WDR26: variants seen among roughly 807,000 people sequenced by gnomAD.
WDR26 encodes the protein WD repeat-containing protein 26.
In WDR26, 5 loss-of-function variants were observed where a neutral mutation model predicts 84.1. The observed-to-expected ratio is 0.06, with a 90% CI of 0.03 to 0.13. WDR26 has a LOEUF of 0.13. WDR26 is among the 10% of genes least tolerant of loss of function. The pLI is 1.00. For synonymous variants in WDR26, 415 were observed against 389.6 expected (o/e 1.07, Z -0.77); for missense variants, 642 against 974.9 (o/e 0.66, Z 4.55).
intron 6 of WDR26, 50 bp downstream of exon 6, chr1:224,418,210 A>G (rs1290664694): frequency 6.6e-7 from 1 of 1,519,720 alleles, no homozygotes; most frequent in Non-Finnish European, 8.9e-7. Context: ...GAAAACTAAA[A>G]TTTTGTAAAA....
At chr1:224,410,174 G>A (rs1294327643) in intron 7 of WDR26, among the ~76,000 whole-genome samples, 2 of 151,254 alleles carry the variant, frequency 1.3e-5, no homozygotes, top group Non-Finnish European at 2.9e-5. Context: ...CCAGCTACTC[G>A]GGAGGCTGAG....
At chr1:224,408,633 C>CTTTTTTTTTTTTT (rs67639407) in intron 7 of WDR26, among the ~76,000 whole-genome samples, 4 of 115,856 alleles carry the variant, frequency 3.5e-5, no homozygotes, top group Non-Finnish European at 3.6e-5. Context: ...TCATCCCATT[C>CTTTTTTTTTTTTT]TTTTTTTTTT....
chr1:224,410,491 T>C (rs1324164845), intron 7 of WDR26, among the ~76,000 whole-genome samples: 3 of 151,960 alleles, frequency 2.0e-5, no homozygotes, highest in African/African-American at 4.8e-5. Context: ...CGAACACTTA[T>C]CTGATTTTAG....
At chr1:224,419,314 C>T (rs1305288977) in intron 5 of WDR26, 1 of 509,696 alleles carries the variant, frequency 2.0e-6, no homozygotes, top group African/African-American at 1.9e-5. Flanking sequence ...GAAAGAAGGG[C>T]TGCTCTGGAA....
In WDR26 at chr1:224,421,017, G is replaced by A. The variant is rs193288819; in HGVS notation, c.1065-1402C>T. ...AATTTTACAAAAGTGACTTAGAATT[G>A]CTTCTATGTCCTTGTGAAAATACAT... On this transcript the variant is annotated intron_variant, in intron 4 of 13. Transcript: ENST00000414423. Among the ~76,000 whole-genome samples the A allele has an allele frequency of 1.1e-4, 17 of 152,210 alleles. No individual in the cohort carries two copies. In the East Asian group the frequency reaches 2.3e-3, roughly 21 times the overall value.
intron 8 of WDR26, 116 bp downstream of exon 8, chr1:224,404,314 C>T (rs1673495915): frequency 5.7e-6 from 7 of 1,229,700 alleles, no homozygotes; most frequent in South Asian, 2.1e-5. Flanking sequence ...CTAAGAGATA[C>T]AGTATAGTAA....
At chr1:224,411,174 G>T (rs1673726260) in intron 7 of WDR26, among the ~76,000 whole-genome samples, 1 of 152,128 alleles carries the variant, frequency 6.6e-6, no homozygotes, top group African/African-American at 2.4e-5. Flanking sequence ...GCACCTCACA[G>T]AGTTTTTCAG....
intron 11 of WDR26, 119 bp downstream of exon 11, chr1:224,398,396 A>G (rs1205207730): frequency 3.3e-6 from 4 of 1,204,880 alleles, no homozygotes; most frequent in Non-Finnish European, 4.6e-6. Flanking sequence ...GATCAATCAC[A>G]TGCAATCAAA....
intron 8 of WDR26, among the ~76,000 whole-genome samples, chr1:224,401,699 A>AG (rs1673424518): frequency 2.2e-5 from 2 of 91,886 alleles, no homozygotes; most frequent in Non-Finnish European, 4.4e-5. Flanking sequence ...AGAAAAAAAA[A>AG]AAGAAAAAAG....
intron 8 of WDR26, among the ~76,000 whole-genome samples, chr1:224,404,040 G>A (rs1353669830): frequency 6.6e-6 from 1 of 152,152 alleles, no homozygotes; most frequent in Non-Finnish European, 1.5e-5. Context: ...ATTAAATATA[G>A]GCAAGGAGAT....
chr1:224,416,753 A>G (rs1673915391), intron 6 of WDR26, among the ~76,000 whole-genome samples: 1 of 152,196 alleles, frequency 6.6e-6, no homozygotes, highest in Admixed American at 6.5e-5. Flanking sequence ...AAAATATTTA[A>G]ATTTATGAAC....
intron 7 of WDR26, among the ~76,000 whole-genome samples, chr1:224,405,982 A>T (rs746586418): frequency 6.6e-6 from 1 of 152,248 alleles, no homozygotes; most frequent in Non-Finnish European, 1.5e-5. Context: ...ATGGAACCAT[A>T]ATGAGCCATA....
intron 8 of WDR26, among the ~76,000 whole-genome samples, chr1:224,403,951 AAACG>A (rs1673487889): frequency 2.0e-5 from 3 of 152,092 alleles, no homozygotes; most frequent in Admixed American, 2.0e-4. Flanking sequence ...ACAAACAAAC[AAACG>A]AACAAACCAA....
chr1:224,421,860 C>T (rs1358878838), intron 4 of WDR26, among the ~76,000 whole-genome samples: 1 of 152,130 alleles, frequency 6.6e-6, no homozygotes, highest in Admixed American at 6.6e-5. Flanking sequence ...GCTTTGAGTC[C>T]TGCTTTCTGA....
Position 224,386,392 on chromosome 1 carries a change from A to G in WDR26, c.*3443T>C, listed in dbSNP as rs1215352032. On this transcript the variant is annotated 3_prime_UTR_variant, in exon 14 of 14. Transcript: ENST00000414423. The stretch of plus-strand genomic sequence containing the variant: ...CCCATTCAAAAGCAGCCATTCTTCT[A>G]CTGTGAAAGAAACTGACATGGATAT... The G allele has an allele frequency of 2.6e-5, 4 of 152,640 alleles. No homozygotes were observed. Among genetic ancestry groups the G allele is most frequent in the African/African-American group, 9.6e-5 (4 of 41,458 alleles). The allele number at this position is 152,640 out of a possible 1,614,324, so 9.5% of individuals were successfully genotyped here. A position where few individuals can be genotyped will look rare whatever the true frequency, so the allele number is the denominator to read the frequency against.
intron 3 of WDR26, among the ~76,000 whole-genome samples, chr1:224,426,374 A>G (rs1407233506): frequency 2.0e-5 from 3 of 152,182 alleles, no homozygotes; most frequent in African/African-American, 7.2e-5. Flanking sequence ...TTAGGCATGT[A>G]TTTAAATTTA....
At chr1:224,416,115 G>A (rs918667557) in intron 6 of WDR26, among the ~76,000 whole-genome samples, 4 of 152,170 alleles carry the variant, frequency 2.6e-5, no homozygotes, top group Admixed American at 6.5e-5. Context: ...GTAAGTAGGA[G>A]CATAGAGTGA....
chr1:224,434,453 G>A lies in WDR26; in HGVS notation c.-48C>T. On this transcript the variant is annotated 5_prime_UTR_variant, in exon 1 of 14. Coordinates refer to ENST00000414423, the MANE Select transcript of WDR26 (RefSeq NM_001379403.1). ...GCGGGGGAGGGGAGGCGGGGGCCGGGGAGAGGGTCGGGGTGAGGGGGGCCG... is the reference window on the plus strand; with the variant it reads ...GCGGGGGAGGGGAGGCGGGGGCCGGAGAGAGGGTCGGGGTGAGGGGGGCCG... 1 of 694,632 alleles carries A rather than the reference G, an allele frequency of 1.4e-6. No homozygotes were observed. Among genetic ancestry groups the A allele is most frequent in the Non-Finnish European group, 1.7e-6 (1 of 573,572 alleles). 43.0% of individuals were successfully genotyped at this position (694,632 alleles called of 1,614,324 possible).
chr1:224,428,987 G>A (rs950411899), intron 3 of WDR26, among the ~76,000 whole-genome samples: 1 of 151,802 alleles, frequency 6.6e-6, no homozygotes, highest in Non-Finnish European at 1.5e-5. Flanking sequence ...TTAAACAGCT[G>A]GTGCAGTGGT....
Sources: gnomAD v4.1 joint callset for allele counts (sites outside exome capture counted in the v4.1 genomes callset) on GRCh38, gnomAD v4.1.1 for gene constraint, MANE v1.5 for transcripts, NCBI Gene and HGNC (gene_info 2026-07-23, HGNC 2026-07-21) for gene names.